Variants in TPM3 observed in about 807,000 individuals in gnomAD.
The protein encoded by TPM3 is tropomyosin 3.
TPM3 carries 16 observed loss-of-function variants against 43.1 expected under a neutral mutation model. The observed-to-expected ratio is 0.37, with a 90% confidence interval of 0.25 to 0.56. TPM3 has a LOEUF of 0.56. Among genes scored for constraint, TPM3 ranks in the 20% least tolerant of loss-of-function variants. The pLI is 0.77. For synonymous variants in TPM3, 101 were observed against 116.9 expected (o/e 0.86, Z 0.88); for missense variants, 176 against 337.2 (o/e 0.52, Z 3.74).
At chr1:154,158,553 T>C, downstream of TPM3, 1 of 347,418 alleles carries the variant, frequency 2.9e-6, no homozygotes, top group Non-Finnish European at 5.4e-6. Context: ...TTCCCTTTTT[T>C]CCACCCAGTC....
chr1:154,159,748 G>T (rs1660157711), downstream of TPM3, among the ~76,000 whole-genome samples: 1 of 152,144 alleles, frequency 6.6e-6, no homozygotes, highest in South Asian at 2.1e-4. Flanking sequence ...GTGATCATAT[G>T]ATCCAGTTTT....
chr1:154,184,934 CTG>C (rs1663337096), intron 2 of TPM3, among the ~76,000 whole-genome samples: 1 of 151,630 alleles, frequency 6.6e-6, no homozygotes, highest in South Asian at 2.1e-4. Flanking sequence ...AAACAGACGA[CTG>C]TTACTAGATC....
chr1:154,157,317 C>G, downstream of TPM3: 2 of 459,196 alleles, frequency 4.4e-6, no homozygotes, highest in Non-Finnish European at 8.1e-6. Context: ...GAATGTTTTA[C>G]AAATGGTTGC....
chr1:154,182,972 C>G, intron 2 of TPM3: 1 of 1,610,890 alleles, frequency 6.2e-7, no homozygotes, highest in Non-Finnish European at 8.5e-7. Context: ...CCTCATGAGC[C>G]TCACCATCTC....
chr1:154,175,268 T>G (rs1362413937), intron 3 of TPM3, among the ~76,000 whole-genome samples: 1 of 150,020 alleles, frequency 6.7e-6, no homozygotes, highest in Non-Finnish European at 1.5e-5. Flanking sequence ...GAGGCGGAGC[T>G]TGCAGTGAGC....
intron 2 of TPM3, chr1:154,183,842 G>C (rs1663242977): frequency 7.2e-6 from 1 of 138,068 alleles, no homozygotes; most frequent in Admixed American, 7.5e-5. Flanking sequence ...ATTTAGAACA[G>C]ACTTTTCTCC....
At chr1:154,157,682 T>C (rs1659954346), downstream of TPM3, 1 of 780,622 alleles carries the variant, frequency 1.3e-6, no homozygotes, top group African/African-American at 1.7e-5. Flanking sequence ...CAGCATCCTT[T>C]GTGTACAGAG....
chr1:154,169,491 T>A, intron 8 of TPM3, 108 bp from the exon 9 acceptor site: 1 of 1,092,352 alleles, frequency 9.2e-7, no homozygotes, highest in Middle Eastern at 2.1e-4. Context: ...TGACTGTGGG[T>A]CTAATACCAC....
rs564632282 is a variant in TPM3, at chr1:154,162,839, A to C, written c.*5098T>G. On this transcript the variant is annotated 3_prime_UTR_variant, in exon 10 of 10. Transcript: ENST00000651641. ...GCTCACACTAGTCATACCGCAAGGA[A>C]AACAGGAGATACCACAGATCAGAGC... Among the ~76,000 whole-genome samples, 4 of 152,324 alleles carry C rather than the reference A, an allele frequency of 2.6e-5. No homozygotes were observed. The South Asian group carries it at 6.2e-4, about 24-fold the overall frequency.
downstream of TPM3, chr1:154,158,831 T>C: frequency 1.5e-6 from 1 of 683,966 alleles, no homozygotes; most frequent in Non-Finnish European, 2.7e-6. Flanking sequence ...AAATCAACAT[T>C]CTAACTGCCC....
At chr1:154,183,618 A>T (rs1663225835) in intron 2 of TPM3, 5 of 192,400 alleles carry the variant, frequency 2.6e-5, no homozygotes, top group Non-Finnish European at 3.4e-5. Context: ...CCCCACGACA[A>T]ACTCCAAAAC....
At position 154,162,364 on chromosome 1, in the gene TPM3, C is replaced by CAAAAAAAA. The variant is rs58289686; in HGVS notation, c.*5565_*5572dup. ...TGGGCAACAGAGCAAGACTCCGTCT[C>CAAAAAAAA]AAAAAAAAAAAAAAAAAAAAACACA... On this transcript the variant is annotated 3_prime_UTR_variant, in exon 10 of 10. Transcript: ENST00000651641. Among the ~76,000 whole-genome samples, 2 of 75,090 alleles carry CAAAAAAAA rather than the reference C, an allele frequency of 2.7e-5. No individual in the cohort carries two copies. The highest frequency in any genetic ancestry group is 5.3e-5 in the Non-Finnish European group (2 of 37,564). 49.3% of individuals were successfully genotyped at this position (75,090 alleles called of 152,430 possible). A position where few individuals can be genotyped will look rare whatever the true frequency, so the allele number is the denominator to read the frequency against.
chr1:154,170,765 T>C (rs930332772), intron 6 of TPM3, 54 bp from the exon 7 acceptor site: 2 of 1,154,172 alleles, frequency 1.7e-6, no homozygotes, highest in African/African-American at 3.0e-5. Flanking sequence ...ACACAGGCAA[T>C]ACCCCCCTCC....
intron 3 of TPM3, 35 bp from the exon 4 acceptor site, chr1:154,173,236 C>T (rs1301908892): frequency 1.3e-6 from 2 of 1,577,718 alleles, no homozygotes; most frequent in South Asian, 2.2e-5. Context: ...TACTGACACC[C>T]TGAGGAGTGT....
chr1:154,162,725 TAAAC>T lies in TPM3; in HGVS notation c.*5208_*5211del, dbSNP rs1276767616. On this transcript the variant is annotated 3_prime_UTR_variant, in exon 10 of 10. Transcript: ENST00000651641. ...TGGCTTCTGCAAGGATATTAAGCCT[TAAAC>T]AAAGGAATGAATTTAGCATTAGCAC... Among the ~76,000 whole-genome samples, 3 of 152,176 alleles carry T rather than the reference TAAAC, an allele frequency of 2.0e-5. No homozygotes were observed. The highest frequency in any genetic ancestry group is 7.2e-5 in the African/African-American group (3 of 41,430).
intron 2 of TPM3, among the ~76,000 whole-genome samples, chr1:154,188,546 G>A (rs1247658064): frequency 1.3e-5 from 2 of 150,952 alleles, no homozygotes; most frequent in East Asian, 3.9e-4. Context: ...GCGGTGGCGG[G>A]CACCTGTAGT....
chr1:154,181,636 T>C (rs1219115731), intron 2 of TPM3, among the ~76,000 whole-genome samples: 1 of 152,200 alleles, frequency 6.6e-6, no homozygotes, highest in African/African-American at 2.4e-5. Flanking sequence ...ATCACTAGAA[T>C]AGGCTGGGCA....
chr1:154,166,706 T>TG lies in TPM3; in HGVS notation c.*1230dup. On this transcript the variant is annotated 3_prime_UTR_variant, in exon 10 of 10. Coordinates refer to ENST00000651641, the MANE Select transcript of TPM3 (RefSeq NM_152263.4). ...GCGAATTCCTTTTTTTTTTTTGAGA[T>TG]GGAGTCTCTCTGTTGCCCAGGCTGG... 1 of 949,144 alleles carries TG rather than the reference T, an allele frequency of 1.1e-6. No individual in the cohort carries two copies. Among genetic ancestry groups the TG allele is most frequent in the Non-Finnish European group, 1.2e-6 (1 of 802,944 alleles). The allele number at this position is 949,144 out of a possible 1,614,324, so 58.8% of individuals were successfully genotyped here.
Position 154,174,405 on chromosome 1 carries a change from T to TACAC in TPM3, c.378-1205_378-1204insGTGT, listed in dbSNP as rs1198280346. On this transcript the variant is annotated intron_variant, in intron 3 of 9. Coordinates refer to ENST00000651641, the MANE Select transcript of TPM3 (RefSeq NM_152263.4). ...ATATATATATATATATATATATATA[T>TACAC]ATACACACAAAAATCCCATCCCAGC... is the stretch of plus-strand genomic sequence containing the variant. 2.1e-3 allele frequency among the ~76,000 whole-genome samples: 185 copies of TACAC among 89,522 alleles called. 3 individuals carry two copies. The highest frequency in any genetic ancestry group is 9.5e-3 in the African/African-American group (177 of 18,614). The allele number at this position is 89,522 out of a possible 152,430, so 58.7% of individuals were successfully genotyped here. A position where few individuals can be genotyped will look rare whatever the true frequency, so the allele number is the denominator to read the frequency against.
Sources: allele counts gnomAD v4.1 joint callset (sites outside exome capture counted in the v4.1 genomes callset), GRCh38; gene constraint gnomAD v4.1.1; transcripts MANE v1.5; gene names NCBI Gene and HGNC (gene_info 2026-07-23, HGNC 2026-07-21).